ATXN10: variants seen among roughly 807,000 people sequenced by gnomAD.
ATXN10 encodes ataxin 10.
In ATXN10, 28 loss-of-function variants were observed where a neutral mutation model predicts 52.9. The observed-to-expected ratio is 0.53, with a 90% CI of 0.39 to 0.73. The LOEUF (loss-of-function observed/expected upper bound fraction) is 0.73, where lower values mean the gene tolerates loss of function less well. Ranked by LOEUF, ATXN10 falls within the 30% of genes least tolerant of loss-of-function variation. ATXN10 has a pLI of 0.00. For synonymous variants in ATXN10, 226 were observed against 221.5 expected, an observed-to-expected ratio of 1.02 and a Z score of -0.18; for missense variants, 565 against 577.0, an observed-to-expected ratio of 0.98 and a Z score of 0.21.
chr22:45,697,593 T>A (rs1923663697), intron 3 of ATXN10, among the ~76,000 whole-genome samples: 1 of 152,132 alleles, frequency 6.6e-6, no homozygotes, highest in Non-Finnish European at 1.5e-5. Flanking sequence ...TATGTGACCT[T>A]TGGTGTCTTA....
intron 9 of ATXN10, among the ~76,000 whole-genome samples, chr22:45,794,619 A>G (rs1048481748): frequency 6.6e-6 from 1 of 152,224 alleles, no homozygotes; most frequent in Non-Finnish European, 1.5e-5. Context: ...AAAGATAAAA[A>G]TGATAACAGG....
chr22:45,800,257 T>G (rs1012195438), intron 9 of ATXN10, among the ~76,000 whole-genome samples: 3 of 152,200 alleles, frequency 2.0e-5, no homozygotes, highest in African/African-American at 7.2e-5. Flanking sequence ...ATGCAGAATA[T>G]GTAAAGAACC....
chr22:45,736,726 C>T (rs1308156174), intron 7 of ATXN10, among the ~76,000 whole-genome samples: 1 of 152,086 alleles, frequency 6.6e-6, no homozygotes, highest in African/African-American at 2.4e-5. Context: ...GAGGCATATT[C>T]AGATTTGGGT....
At chr22:45,804,067 A>G (rs185093878) in intron 9 of ATXN10, among the ~76,000 whole-genome samples, 17 of 152,210 alleles carry the variant, frequency 1.1e-4, no homozygotes, top group African/African-American at 3.9e-4. Context: ...AAAAAAAGGC[A>G]TAAGAATTCA....
chr22:45,816,727 C>G lies in ATXN10; in HGVS notation c.1237+9705C>G, dbSNP rs892253416. Among the ~76,000 whole-genome samples the G allele has an allele frequency of 3.3e-5, 5 of 152,096 alleles. No individual in the cohort carries two copies. Among genetic ancestry groups the G allele is most frequent in the African/African-American group, 1.2e-4 (5 of 41,388 alleles). On this transcript the variant is annotated intron_variant, in intron 10 of 11. Transcript: ENST00000252934. This position sits in a 1 kb window ranked among gnomAD's most constrained non-coding sequence, Gnocchi z 5.8. ...CTTCTTTTAATAAAATGTGAGAAAG[C>G]CTGTGTGAAGCAGATGTTCTGGCTT...
chr22:45,689,781 G>A lies in ATXN10; in HGVS notation c.186G>A (p.Glu62=). The change falls in exon 2 of 12, where the codon GAG becomes GAA. Residue 62 remains glutamate, a synonymous_variant. Coordinates refer to ENST00000252934, the MANE Select transcript of ATXN10 (RefSeq NM_013236.4). ...TAAAGAAATCTTCTCATGCTGTTGA[G>A]CTTGCCTGCAGAGATCCATCCCAAG... ...DILKKSSHAV[E]LACRDPSQVE... The A allele has an allele frequency of 6.2e-7, 1 of 1,614,176 alleles. No homozygotes were observed. Among genetic ancestry groups the A allele is most frequent in the Non-Finnish European group, 8.5e-7 (1 of 1,180,038 alleles).
rs1027850181 is a variant in ATXN10, at chr22:45,684,992, C to T, written c.117-4720C>T. ...TCTCACTGGCAGTTGTTAAACTACTCTAAACCACATATGCCAGTTTTTAAG... is the reference window on the plus strand; with the variant it reads ...TCTCACTGGCAGTTGTTAAACTACTTTAAACCACATATGCCAGTTTTTAAG... On this transcript the variant is annotated intron_variant, in intron 1 of 11. Coordinates refer to ENST00000252934, the MANE Select transcript of ATXN10 (RefSeq NM_013236.4). This position sits in a 1 kb window ranked among gnomAD's most constrained non-coding sequence, Gnocchi z 4.1. 2.0e-5 allele frequency among the ~76,000 whole-genome samples: 3 copies of T among 152,098 alleles called. No homozygotes were observed. Among genetic ancestry groups the T allele is most frequent in the African/African-American group, 7.2e-5 (3 of 41,398 alleles).
chr22:45,811,914 C>T (rs1928294443), intron 10 of ATXN10: 1 of 390,866 alleles, frequency 2.6e-6, no homozygotes, highest in Non-Finnish European at 5.2e-6. Context: ...GTTCACAGAG[C>T]CTCCTAGACG....
Position 45,740,496 on chromosome 22 carries a change from G to T in ATXN10, c.1131G>T (p.Leu377=). ...ANGFKSHLIR[L]IGNLCYKNKD... The stretch of plus-strand genomic sequence containing the variant: ...GGTTTAAGTCTCATCTCATTCGTCT[G>T]ATTGGAAATCTGTGTTACAAGAATA... The change falls in exon 9 of 12, where the codon CTG becomes CTT. Residue 377 remains leucine (L), a synonymous_variant. Transcript: ENST00000252934. 6.2e-7 allele frequency: 1 copy of T among 1,613,804 alleles called. No individual in the cohort carries two copies. Among genetic ancestry groups the T allele is most frequent in the Non-Finnish European group, 8.5e-7 (1 of 1,179,878 alleles).
At position 45,683,047 on chromosome 22, in the gene ATXN10, G is replaced by C. The variant is rs747406446; in HGVS notation, c.117-6665G>C. On this transcript the variant is annotated intron_variant, in intron 1 of 11. Transcript: ENST00000252934. The surrounding 1 kb of genome is among the most constrained non-coding windows in gnomAD (Gnocchi z 4.8). ...TCAGAACCTTCCATGGGCCGGGCAC[G>C]GTGGCTCACGCCTGTCATCCCAGCA... 2.0e-4 allele frequency among the ~76,000 whole-genome samples: 30 copies of C among 152,158 alleles called. No individual in the cohort carries two copies. The highest frequency in any genetic ancestry group is 7.2e-4 in the African/African-American group (30 of 41,542).
At chr22:45,673,794 T>A (rs1922570961) in intron 1 of ATXN10, 1 of 152,126 alleles carries the variant, frequency 6.6e-6, no homozygotes, top group East Asian at 1.9e-4. Flanking sequence ...CGGTTATAGA[T>A]GAGAGGACTA....
intron 6 of ATXN10, among the ~76,000 whole-genome samples, chr22:45,722,316 G>A (rs1009975721): frequency 1.3e-5 from 2 of 152,130 alleles, no homozygotes; most frequent in African/African-American, 4.8e-5. Flanking sequence ...TGTCTGGTAG[G>A]GAGACCCGTA....
intron 10 of ATXN10, among the ~76,000 whole-genome samples, chr22:45,810,890 T>C (rs1928259408): frequency 6.6e-6 from 1 of 152,220 alleles, no homozygotes; most frequent in Non-Finnish European, 1.5e-5. Flanking sequence ...TGATATCCTC[T>C]GTCTTATGAA....
At chr22:45,693,827 C>G (rs1412086282) in intron 3 of ATXN10, among the ~76,000 whole-genome samples, 1 of 152,188 alleles carries the variant, frequency 6.6e-6, no homozygotes, top group Non-Finnish European at 1.5e-5. Context: ...GAGAAGATGA[C>G]CATCTACAGG....
At position 45,843,933 on chromosome 22, in the gene ATXN10, A is replaced by C; in HGVS notation, c.*262A>C. On this transcript the variant is annotated 3_prime_UTR_variant, in exon 12 of 12. Transcript: ENST00000252934. This position sits in a 1 kb window ranked among gnomAD's most constrained non-coding sequence, Gnocchi z 4.5. Reference sequence around the variant, plus strand: ...TGCATTTAAAGAATATATTGTACTTACTGTGACAGCAGATAATAAACCAGT... The same window carrying C: ...TGCATTTAAAGAATATATTGTACTTCCTGTGACAGCAGATAATAAACCAGT... 1 of 516,248 alleles carries C rather than the reference A, an allele frequency of 1.9e-6. No individual in the cohort carries two copies. The allele number at this position is 516,248 out of a possible 1,614,324, so 32.0% of individuals were successfully genotyped here. A position where few individuals can be genotyped will look rare whatever the true frequency, so the allele number is the denominator to read the frequency against.
Position 45,741,700 on chromosome 22 carries a change from T to A in ATXN10, c.1173+1162T>A, listed in dbSNP as rs141808412. Among the ~76,000 whole-genome samples the A allele has an allele frequency of 1.5e-3, 222 of 151,302 alleles. No individual in the cohort carries two copies. In the East Asian group the frequency reaches 0.02, roughly 14 times the overall value. On this transcript the variant is annotated intron_variant, in intron 9 of 11. Coordinates refer to ENST00000252934, the MANE Select transcript of ATXN10 (RefSeq NM_013236.4). The stretch of plus-strand genomic sequence containing the variant: ...AAAAGTAAAAAATAGAAAAAAAAAA[T>A]AAGGGATATAGGTCCTGCTTCAGTT...
At position 45,783,101 on chromosome 22, in the gene ATXN10, G is replaced by T. The variant is rs903538314; in HGVS notation, c.1174-23858G>T. ...TTTCACTTAAAGGAAGCACTTTATG[G>T]CTTCTCTTTGGCATATTCAAATTGG... On this transcript the variant is annotated intron_variant, in intron 9 of 11. Coordinates refer to ENST00000252934, the MANE Select transcript of ATXN10 (RefSeq NM_013236.4). The surrounding 1 kb of genome is among the most constrained non-coding windows in gnomAD (Gnocchi z 5.0). 1.3e-5 allele frequency among the ~76,000 whole-genome samples: 2 copies of T among 152,074 alleles called. No individual in the cohort carries two copies. The highest frequency in any genetic ancestry group is 2.9e-5 in the Non-Finnish European group (2 of 68,014).
At chr22:45,810,326 T>G (rs999152958) in intron 10 of ATXN10, among the ~76,000 whole-genome samples, 5 of 152,228 alleles carry the variant, frequency 3.3e-5, no homozygotes, top group Admixed American at 6.5e-5. Flanking sequence ...CAATATGTCT[T>G]GATAAAGGAT....
In ATXN10 at chr22:45,837,926, A is replaced by G. The variant is rs1030258011; in HGVS notation, c.1238-5065A>G. ...TCATTTGCTGACCCCTGTTCTTAGC[A>G]GTCTTCTAAACACCGACAGAGCAGT... On this transcript the variant is annotated intron_variant, in intron 10 of 11. Transcript: ENST00000252934. This position sits in a 1 kb window ranked among gnomAD's most constrained non-coding sequence, Gnocchi z 5.8. Among the ~76,000 whole-genome samples the G allele has an allele frequency of 2.0e-5, 3 of 152,244 alleles. No individual in the cohort carries two copies. The highest frequency in any genetic ancestry group is 2.0e-4 in the Admixed American group (3 of 15,286).
Sources: allele counts gnomAD v4.1 joint callset (sites outside exome capture counted in the v4.1 genomes callset), GRCh38; gene constraint gnomAD v4.1.1; non-coding constraint Gnocchi (gnomAD v3.1); transcripts MANE v1.5; gene names NCBI Gene and HGNC (gene_info 2026-07-23, HGNC 2026-07-21).